The following RNASEH2A variants were observed in gnomAD, a reference collection of about 807,000 sequenced individuals.
RNASEH2A encodes RNase H(35).
A neutral mutation model predicts 32.7 loss-of-function variants in RNASEH2A; 30 were observed. The observed-to-expected ratio is 0.92, with a 90% CI of 0.69 to 1.25. The LOEUF (loss-of-function observed/expected upper bound fraction) is 1.25. Among genes scored for constraint, RNASEH2A ranks in the 50% most tolerant of loss-of-function variants. The pLI is 0.00. For synonymous variants in RNASEH2A, 147 were observed against 165.4 expected (o/e 0.89, Z 0.86); for missense variants, 409 against 398.1 (o/e 1.03, Z -0.23).
intron 6 of RNASEH2A, among the ~76,000 whole-genome samples, chr19:12,812,580 G>A (rs745987338): frequency 4.6e-5 from 7 of 152,124 alleles, no homozygotes; most frequent in Non-Finnish European, 1.0e-4. Context: ...GTTCTTGGAG[G>A]TCAAGGAGAT....
Position 12,810,359 on chromosome 19 carries a change from A to G in RNASEH2A, c.592A>G (p.Lys198Glu), listed in dbSNP as rs2145827897. Residue 198 changes from lysine (K) to glutamate (E), a missense_variant, in exon 6 of 8, where the codon AAA (lysine) becomes GAA (glutamate). By Grantham distance (56) the Lys-to-Glu change is moderately conservative (BLOSUM62 1). Transcript: ENST00000221486. ...CGTGAAGAAATGGCAGTTCGTGGAG[A>G]AACTGCAGGACTTGGATACTGATTA... Reference protein sequence around the residue: ...QAVKKWQFVEKLQDLDTDYGS... With the variant: ...QAVKKWQFVEELQDLDTDYGS... 1 of 1,614,146 alleles carries G rather than the reference A, an allele frequency of 6.2e-7. No homozygotes were observed. The highest frequency in any genetic ancestry group is 1.7e-5 in the Admixed American group (1 of 60,010).
rs147485212 is a variant in RNASEH2A at position 12,806,884 on chromosome 19, G to A, written c.127+84G>A. 274 of 1,597,132 alleles carry A rather than the reference G, an allele frequency of 1.7e-4. 2 individuals are homozygous for A. In the African/African-American group the frequency reaches 3.2e-3, roughly 19 times the overall value. On this transcript the variant is annotated intron_variant, in intron 1 of 7. Coordinates refer to ENST00000221486, the MANE Select transcript of RNASEH2A (RefSeq NM_006397.3). ...GTCGGGATTGCACTGCACCAAGGGAGGGGATGTGGTCGTGGTGATGGCACC... is the reference window on the plus strand; with the variant it reads ...GTCGGGATTGCACTGCACCAAGGGAAGGGATGTGGTCGTGGTGATGGCACC...
chr19:12,810,233 G>A, intron 5 of RNASEH2A, 25 bp downstream of exon 5: 2 of 1,614,188 alleles, frequency 1.2e-6, no homozygotes, highest in Non-Finnish European at 1.7e-6. Flanking sequence ...AGCCATGGCT[G>A]GCTTCCACCA....
intron 4 of RNASEH2A, 69 bp from the exon 5 acceptor site, chr19:12,810,002 C>G: frequency 6.3e-7 from 1 of 1,597,970 alleles, no homozygotes; most frequent in Non-Finnish European, 8.6e-7. Flanking sequence ...GAAGAACGTG[C>G]CAGGGCTGTG....
intron 4 of RNASEH2A, chr19:12,807,855 C>G: frequency 2.9e-6 from 1 of 350,786 alleles, no homozygotes; most frequent in East Asian, 7.3e-5. Context: ...TCGCTTGAAC[C>G]CAGGAGGCAG....
Position 12,813,500 on chromosome 19 carries a change from ACC to A in RNASEH2A, c.*36_*37del. ...TCTACGCGCTCTACCTGCTTCCCCAACCCAGACATTAAAATTGTTTAAGGAGA... is the reference window on the plus strand; with the variant it reads ...TCTACGCGCTCTACCTGCTTCCCCAACAGACATTAAAATTGTTTAAGGAGA... On this transcript the variant is annotated 3_prime_UTR_variant, in exon 8 of 8. Transcript: ENST00000221486. The A allele has an allele frequency of 6.2e-7, 1 of 1,609,684 alleles. No homozygotes were observed.
intron 1 of RNASEH2A, 28 bp downstream of exon 1, chr19:12,806,828 G>A (rs748088886): frequency 2.8e-5 from 44 of 1,589,758 alleles, no homozygotes; most frequent in Non-Finnish European, 1.3e-5. Context: ...GGGAGGGGAG[G>A]GGCGTGGTAC....
intron 4 of RNASEH2A, 157 bp downstream of exon 4, chr19:12,807,663 G>A (rs1226263572): frequency 1.4e-6 from 1 of 722,878 alleles, no homozygotes; most frequent in Non-Finnish European, 2.4e-6. Context: ...AGGGCGCAGT[G>A]GCTCACGCCT....
In RNASEH2A at chr19:12,807,240, G is replaced by A. The variant is rs754858531; in HGVS notation, c.234G>A (p.Arg78=). ...SKTLLESERE[R]LFAKMEDTDF... ...CCCTATTGGAGAGCGAGCGGGAAAG[G>A]CTGTTTGCGAAAATGGAGGACACGG... The change falls in exon 3 of 8, where the codon AGG becomes AGA. Residue 78 remains arginine, a synonymous_variant. Coordinates refer to ENST00000221486, the MANE Select transcript of RNASEH2A (RefSeq NM_006397.3). 11 of 1,614,062 alleles carry A rather than the reference G, an allele frequency of 6.8e-6. No homozygotes were observed. The highest frequency in any genetic ancestry group is 9.3e-6 in the Non-Finnish European group (11 of 1,180,050).
chr19:12,813,422 C>A lies in RNASEH2A; in HGVS notation c.856C>A (p.Arg286=). Residue 286 remains arginine (R), a synonymous_variant, in exon 8 of 8, where the codon CGA becomes AGA. Coordinates refer to ENST00000221486, the MANE Select transcript of RNASEH2A (RefSeq NM_006397.3). The part of the protein sequence containing the change: ...GSQARPRSSH[R]YFLERGLESA... ...CCAAGCCCGTCCCCGTTCTTCCCAC[C>A]GATATTTCCTGGAACGCGGCCTGGA... 1 of 1,614,110 alleles carries A rather than the reference C, an allele frequency of 6.2e-7. No individual in the cohort carries two copies. Among genetic ancestry groups the A allele is most frequent in the Non-Finnish European group, 8.5e-7 (1 of 1,180,036 alleles).
chr19:12,812,471 G>T (rs1969087335), intron 6 of RNASEH2A, among the ~76,000 whole-genome samples: 1 of 152,154 alleles, frequency 6.6e-6, no homozygotes, highest in Admixed American at 6.6e-5. Flanking sequence ...GGCGGAGGTT[G>T]CAGTGAGCCG....
chr19:12,813,012 A>T, intron 6 of RNASEH2A, 71 bp from the exon 7 acceptor site: 1 of 1,608,536 alleles, frequency 6.2e-7, no homozygotes, highest in Non-Finnish European at 8.5e-7. Flanking sequence ...TCAAAGAAAA[A>T]AAAAAGAGTG....
At position 12,806,805 on chromosome 19, in the gene RNASEH2A, G is replaced by A. The variant is rs765535947; in HGVS notation, c.127+5G>A. On this transcript the variant is annotated splice_donor_5th_base_variant and intron_variant, in intron 1 of 7. Coordinates refer to ENST00000221486, the MANE Select transcript of RNASEH2A (RefSeq NM_006397.3). ...CGGGCAGGGGCCCCGTGCTGGGTGC[G>A]CCCCTAGGGCCAGGGAGGGGAGGGG... 3 of 1,582,380 alleles carry A rather than the reference G, an allele frequency of 1.9e-6. No individual in the cohort carries two copies. In the East Asian group the frequency reaches 6.8e-5, roughly 36 times the overall value.
In RNASEH2A at chr19:12,806,987, AC is replaced by A. The variant is rs780429631; in HGVS notation, c.128-20del. The stretch of plus-strand genomic sequence containing the variant: ...GTGATTGGACCCCGGCTGCCAGAAA[AC>A]TGACACCCCTTCTCCCCAGGCCCCA... On this transcript the variant is annotated intron_variant, in intron 1 of 7. Transcript: ENST00000221486. The A allele has an allele frequency of 2.5e-6, 4 of 1,612,714 alleles. No individual in the cohort carries two copies. In the African/African-American group the frequency reaches 5.3e-5, roughly 22 times the overall value.
Position 12,813,421 on chromosome 19 carries a change from C to T in RNASEH2A, c.855C>T (p.His285=). 4 of 1,614,140 alleles carry T rather than the reference C, an allele frequency of 2.5e-6. No homozygotes were observed. Among genetic ancestry groups the T allele is most frequent in the Non-Finnish European group, 3.4e-6 (4 of 1,180,042 alleles). ...CCCAAGCCCGTCCCCGTTCTTCCCA[C>T]CGATATTTCCTGGAACGCGGCCTGG... ...EGSQARPRSS[H]RYFLERGLES... is the part of the protein sequence containing the mutation. The change falls in exon 8 of 8, where the codon CAC becomes CAT. Residue 285 remains histidine, a synonymous_variant. Transcript: ENST00000221486.
chr19:12,811,689 A>G (rs4804732), intron 6 of RNASEH2A, among the ~76,000 whole-genome samples: 108,378 of 151,514 alleles, frequency 0.72, 39,442 homozygotes, highest in African/African-American at 0.84. Context: ...AGGCTGAGGC[A>G]GGTGGATCCT....
chr19:12,807,040 C>G lies in RNASEH2A; in HGVS notation c.160C>G (p.Leu54Val), dbSNP rs771789854. The stretch of plus-strand genomic sequence containing the variant: ...GGTCTACGCCATCTGTTATTGTCCC[C>G]TGCCTCGCCTGGCAGATCTGGAGGC... ...PMVYAICYCP[L>V]PRLADLEALK... is the part of the protein sequence containing the mutation. Residue 54 changes from leucine (L) to valine (V), a missense_variant, in exon 2 of 8, where the codon CTG becomes GTG. Coordinates refer to ENST00000221486, the MANE Select transcript of RNASEH2A (RefSeq NM_006397.3). 6.2e-7 allele frequency: 1 copy of G among 1,614,152 alleles called. No homozygotes were observed. Among genetic ancestry groups the G allele is most frequent in the Admixed American group, 1.7e-5 (1 of 60,012 alleles).
In RNASEH2A at chr19:12,807,253, A is replaced by G. The variant is rs746324858; in HGVS notation, c.247A>G (p.Met83Val). ...CGAGCGGGAAAGGCTGTTTGCGAAAATGGAGGACACGGACTTTGTCGGCTG... is the reference window on the plus strand; with the variant it reads ...CGAGCGGGAAAGGCTGTTTGCGAAAGTGGAGGACACGGACTTTGTCGGCTG... ...ESERERLFAK[M>V]EDTDFVGWAL... The change falls in exon 3 of 8, where the codon ATG (methionine) becomes GTG (valine). Residue 83 changes from methionine to valine, a missense_variant. Coordinates refer to ENST00000221486, the MANE Select transcript of RNASEH2A (RefSeq NM_006397.3). 3.1e-6 allele frequency: 5 copies of G among 1,614,066 alleles called. No individual in the cohort carries two copies. In the African/African-American group the frequency reaches 5.3e-5, roughly 17 times the overall value.
chr19:12,808,301 T>A (rs1969026095), intron 4 of RNASEH2A, among the ~76,000 whole-genome samples: 1 of 152,142 alleles, frequency 6.6e-6, no homozygotes, highest in Non-Finnish European at 1.5e-5. Flanking sequence ...GTGTGCAGAT[T>A]CAGCATCAGA....
Sources: gnomAD v4.1 joint callset for allele counts (sites outside exome capture counted in the v4.1 genomes callset) on GRCh38, gnomAD v4.1.1 for gene constraint, MANE v1.5 for transcripts, NCBI Gene and HGNC (gene_info 2026-07-23, HGNC 2026-07-21) for gene names.